Variants in KMT5B observed in about 807,000 individuals in gnomAD.
KMT5B encodes lysine methyltransferase 5B, also known as histone-lysine N-methyltransferase KMT5B.
A neutral mutation model predicts 83.2 loss-of-function variants in KMT5B; 10 were observed. That is an observed-to-expected ratio of 0.12 (90% CI 0.07 to 0.20). The LOEUF is 0.20. KMT5B is among the 10% of genes least tolerant of loss of function. The pLI is 1.00. For missense variants in KMT5B, 753 were observed against 1,067.2 expected (o/e 0.71, Z 4.10); for synonymous variants, 349 against 388.8 (o/e 0.90, Z 1.20).
At chr11:68,206,173 A>T (rs1463936030) in intron 1 of KMT5B, among the ~76,000 whole-genome samples, 1 of 152,208 alleles carries the variant, frequency 6.6e-6, no homozygotes. Flanking sequence ...GAAAACAAAA[A>T]ATGCCTGCTT....
intron 1 of KMT5B, among the ~76,000 whole-genome samples, chr11:68,193,647 G>A (rs1858357055): frequency 6.6e-6 from 1 of 151,852 alleles, no homozygotes; most frequent in African/African-American, 2.4e-5. Flanking sequence ...TTTCTCATAG[G>A]TTTCACTAAA....
chr11:68,198,456 ACAAGACAAG>A (rs1298992604), intron 1 of KMT5B, among the ~76,000 whole-genome samples: 3 of 87,996 alleles, frequency 3.4e-5, no homozygotes, highest in Admixed American at 9.2e-5. Context: ...ACAAGACAAG[ACAAGACAAG>A]ACAAGACAAG....
chr11:68,165,646 T>C (rs1354838994), intron 10 of KMT5B: 1 of 1,088,212 alleles, frequency 9.2e-7, no homozygotes, highest in Non-Finnish European at 1.2e-6. Context: ...TTAAGTGTTT[T>C]TATGTCTGCA....
intron 2 of KMT5B, among the ~76,000 whole-genome samples, chr11:68,189,358 T>C (rs1857790401): frequency 6.6e-6 from 1 of 152,202 alleles, no homozygotes; most frequent in South Asian, 2.1e-4. Context: ...TCAAGAGGTA[T>C]AGAGGAAATA....
chr11:68,209,953 A>G (rs996172536), intron 1 of KMT5B, among the ~76,000 whole-genome samples: 1 of 151,480 alleles, frequency 6.6e-6, no homozygotes, highest in African/African-American at 2.4e-5. Flanking sequence ...TGCAACCTCC[A>G]ACTCCCGGGT....
At chr11:68,160,572 C>T (rs555851551) in intron 10 of KMT5B, among the ~76,000 whole-genome samples, 2 of 152,332 alleles carry the variant, frequency 1.3e-5, no homozygotes, top group African/African-American at 4.8e-5. Context: ...AGAAATCTGT[C>T]GCTTTCTACA....
At chr11:68,166,272 G>T in intron 10 of KMT5B, 1 of 1,127,836 alleles carries the variant, frequency 8.9e-7, no homozygotes, top group Non-Finnish European at 1.1e-6. Flanking sequence ...TGCCCATTTA[G>T]GGTTTCTTCT....
At chr11:68,169,653 A>C (rs1855655077) in intron 9 of KMT5B, among the ~76,000 whole-genome samples, 1 of 152,196 alleles carries the variant, frequency 6.6e-6, no homozygotes, top group South Asian at 2.1e-4. Flanking sequence ...TTAAGGCACA[A>C]AGCAGCTAAG....
intron 1 of KMT5B, among the ~76,000 whole-genome samples, chr11:68,190,758 C>T (rs1036568278): frequency 1.4e-4 from 22 of 151,954 alleles, no homozygotes; most frequent in Admixed American, 3.9e-4. Context: ...CCATGGCAGG[C>T]GGACTGCTTG....
intron 1 of KMT5B, among the ~76,000 whole-genome samples, chr11:68,194,314 C>T (rs1421776766): frequency 2.0e-5 from 3 of 151,666 alleles, no homozygotes; most frequent in Admixed American, 6.6e-5. Context: ...GCCTCAGCCT[C>T]CTAAGTAGCT....
At chr11:68,213,614 A>T (rs1194034968), upstream of KMT5B, 1 of 150,864 alleles carries the variant, frequency 6.6e-6, no homozygotes, top group African/African-American at 2.5e-5. Context: ...TGCCGCCCGC[A>T]CCGCCGCCGC....
chr11:68,194,904 G>A (rs564720608), intron 1 of KMT5B, among the ~76,000 whole-genome samples: 3 of 152,328 alleles, frequency 2.0e-5, no homozygotes, highest in Non-Finnish European at 4.4e-5. Context: ...GGGCCAGGTG[G>A]TGGCTTATGC....
chr11:68,182,832 G>A (rs1194442303), intron 3 of KMT5B, among the ~76,000 whole-genome samples: 1 of 151,908 alleles, frequency 6.6e-6, no homozygotes, highest in Non-Finnish European at 1.5e-5. Context: ...TGCCTCCCAG[G>A]TTCAAGCGAT....
intron 1 of KMT5B, among the ~76,000 whole-genome samples, chr11:68,204,851 A>C (rs1285639263): frequency 6.6e-6 from 1 of 151,944 alleles, no homozygotes. Flanking sequence ...TCTTGACCTC[A>C]AGTGATCCGC....
chr11:68,199,381 G>A (rs1859134994), intron 1 of KMT5B, among the ~76,000 whole-genome samples: 2 of 152,150 alleles, frequency 1.3e-5, no homozygotes, highest in South Asian at 4.1e-4. Flanking sequence ...AGACAGCAAG[G>A]GATGTGAAGG....
rs770306921 is a variant in KMT5B, at chr11:68,157,724, C to G, written c.2622G>C (p.Arg874Ser). Reference protein sequence around the residue: ...KDSIDIDISSRRREDQSLRLN... With the variant: ...KDSIDIDISSSRREDQSLRLN... The stretch of plus-strand genomic sequence containing the variant: ...GCCTTAAAGACTGATCTTCTCTTCT[C>G]CTTGAAGAAATGTCAATATCTATAG... The change falls in exon 11 of 11, where the codon AGG becomes AGC. Residue 874 changes from arginine to serine, a missense_variant. Physicochemically the swap from Arg to Ser is moderately radical, Grantham distance 110 (BLOSUM62 -1). Transcript: ENST00000304363. The G allele has an allele frequency of 1.9e-6, 3 of 1,602,102 alleles. No individual in the cohort carries two copies.
chr11:68,213,546 G>C (rs1359407385), upstream of KMT5B: 1 of 151,842 alleles, frequency 6.6e-6, no homozygotes, highest in East Asian at 2.0e-4. Flanking sequence ...CCAGGTCCGT[G>C]CGCCGCGCGG....
intron 3 of KMT5B, among the ~76,000 whole-genome samples, chr11:68,184,726 G>A (rs910657609): frequency 6.6e-5 from 10 of 152,126 alleles, no homozygotes; most frequent in African/African-American, 2.4e-4. Flanking sequence ...TTTTCCACCA[G>A]GCTAAAAAAC....
intron 2 of KMT5B, among the ~76,000 whole-genome samples, chr11:68,186,607 T>C (rs1477910241): frequency 6.6e-6 from 1 of 152,178 alleles, no homozygotes; most frequent in Non-Finnish European, 1.5e-5. Flanking sequence ...ATAACTGAAA[T>C]AACTGGGTTT....
Sources: allele counts gnomAD v4.1 joint callset (sites outside exome capture counted in the v4.1 genomes callset), GRCh38; gene constraint gnomAD v4.1.1; transcripts MANE v1.5; gene names NCBI Gene and HGNC (gene_info 2026-07-23, HGNC 2026-07-21).